Variants in BBOX1 observed in about 807,000 individuals in gnomAD.
BBOX1 encodes the protein gamma-butyrobetaine hydroxylase 1.
BBOX1 carries 35 observed loss-of-function variants against 41.6 expected under a neutral mutation model. The ratio of observed to expected loss-of-function variants is 0.84; its 90% CI spans 0.64 to 1.11. The LOEUF (loss-of-function observed/expected upper bound fraction) is 1.11, where lower values mean the gene tolerates loss of function less well. BBOX1 is among the 50% of genes most tolerant of loss of function. BBOX1 has a pLI of 0.00. For missense variants in BBOX1, 458 were observed against 460.6 expected, an observed-to-expected ratio of 0.99 and a Z score of 0.05; for synonymous variants, 163 against 154.7, an observed-to-expected ratio of 1.05 and a Z score of -0.40.
chr11:27,111,979 C>G (rs1055197369), intron 5 of BBOX1, among the ~76,000 whole-genome samples: 7 of 151,942 alleles, frequency 4.6e-5, no homozygotes, highest in African/African-American at 1.7e-4. Context: ...AGAAAGACAG[C>G]CAGGCGTTAT....
chr11:27,112,100 G>A (rs920470447), intron 5 of BBOX1, among the ~76,000 whole-genome samples: 1 of 151,924 alleles, frequency 6.6e-6, no homozygotes, highest in Non-Finnish European at 1.5e-5. Flanking sequence ...ACTGCACCAT[G>A]AGTATGTACT....
intron 4 of BBOX1, among the ~76,000 whole-genome samples, chr11:27,078,689 TTTTGTTAGAA>T (rs2134010569): frequency 6.6e-6 from 1 of 152,214 alleles, no homozygotes; most frequent in Admixed American, 6.5e-5. Flanking sequence ...TCAAAAAGAA[TTTTGTTAGAA>T]TTTGTTAGAA....
At chr11:27,113,432 A>C (rs1204265555) in intron 5 of BBOX1, among the ~76,000 whole-genome samples, 1 of 152,038 alleles carries the variant, frequency 6.6e-6, no homozygotes, top group Non-Finnish European at 1.5e-5. Context: ...TAATGAATAA[A>C]GAAAATATGG....
At chr11:27,111,116 A>G (rs1265923454) in intron 5 of BBOX1, among the ~76,000 whole-genome samples, 1 of 151,942 alleles carries the variant, frequency 6.6e-6, no homozygotes, top group Non-Finnish European at 1.5e-5. Context: ...TTTACATAAC[A>G]ATAAAATTAA....
chr11:27,056,624 A>C (rs1442934), intron 3 of BBOX1, among the ~76,000 whole-genome samples: 1 of 151,984 alleles, frequency 6.6e-6, no homozygotes, highest in African/African-American at 2.4e-5. Flanking sequence ...TATCACAGAA[A>C]GTTTGGGGAT....
intron 6 of BBOX1, among the ~76,000 whole-genome samples, chr11:27,117,973 C>T (rs1859326521): frequency 6.6e-6 from 1 of 151,802 alleles, no homozygotes; most frequent in Admixed American, 6.6e-5. Flanking sequence ...TTCTGTCACA[C>T]CACACTGATC....
rs372006148 is a variant in BBOX1, at chr11:27,055,390, T to C, written c.-38-3T>C. 3.3e-5 allele frequency: 52 copies of C among 1,589,464 alleles called. No individual in the cohort carries two copies. The African/African-American group carries it at 6.3e-4, about 19-fold the overall frequency. ...GATTCCTTTTAACACTGATTTGTCA[T>C]AGCAGGTAGCTGACAGCATCTACTC... On this transcript the variant is annotated splice_region_variant and splice_polypyrimidine_tract_variant and intron_variant, in intron 2 of 8. Transcript: ENST00000263182.
Position 27,127,274 on chromosome 11 carries a change from G to A in BBOX1, c.1004-19G>A, listed in dbSNP as rs1859699802. 1.2e-6 allele frequency: 2 copies of A among 1,611,464 alleles called. No individual in the cohort carries two copies. Among genetic ancestry groups the A allele is most frequent in the Non-Finnish European group, 8.5e-7 (1 of 1,178,958 alleles). On this transcript the variant is annotated intron_variant, in intron 8 of 8. Transcript: ENST00000263182. Reference sequence around the variant, plus strand: ...TTTAAACACACAATTATTCATATTGGAAAAAATCTTTTCTTTAGGTGATGT... The same window carrying A: ...TTTAAACACACAATTATTCATATTGAAAAAAATCTTTTCTTTAGGTGATGT...
At chr11:27,091,995 T>C (rs899217614) in intron 4 of BBOX1, among the ~76,000 whole-genome samples, 1 of 151,958 alleles carries the variant, frequency 6.6e-6, no homozygotes, top group African/African-American at 2.4e-5. Flanking sequence ...CCTATGCCAA[T>C]GTCCTTATGC....
At chr11:27,080,382 G>A (rs7121302) in intron 4 of BBOX1, among the ~76,000 whole-genome samples, 10,781 of 151,976 alleles carry the variant, frequency 0.071, 1,259 homozygotes, top group African/African-American at 0.24. Context: ...TTTCACACTA[G>A]ACAGTTAAAA....
intron 6 of BBOX1, among the ~76,000 whole-genome samples, chr11:27,117,091 A>G (rs1206785808): frequency 6.6e-6 from 1 of 152,020 alleles, no homozygotes; most frequent in African/African-American, 2.4e-5. Context: ...ACCAAAAATA[A>G]GTGGTTAGGA....
intron 7 of BBOX1, among the ~76,000 whole-genome samples, chr11:27,123,254 G>A (rs923902995): frequency 2.0e-5 from 3 of 151,888 alleles, no homozygotes; most frequent in Non-Finnish European, 4.4e-5. Flanking sequence ...CTATATAGGT[G>A]AACTCTTAAA....
chr11:27,095,046 T>C (rs928984612), intron 5 of BBOX1, among the ~76,000 whole-genome samples: 2 of 151,996 alleles, frequency 1.3e-5, no homozygotes, highest in Admixed American at 6.6e-5. Flanking sequence ...AATTAATCTG[T>C]AACCCAAGTG....
intron 7 of BBOX1, among the ~76,000 whole-genome samples, chr11:27,122,856 G>T (rs1221883760): frequency 1.3e-5 from 2 of 151,944 alleles, no homozygotes; most frequent in Non-Finnish European, 2.9e-5. Context: ...CCACTATGTT[G>T]TTGGTTTAAG....
At chr11:27,069,049 T>G (rs550295757) in intron 4 of BBOX1, among the ~76,000 whole-genome samples, 72 of 152,212 alleles carry the variant, frequency 4.7e-4, no homozygotes, top group African/African-American at 1.6e-3. Flanking sequence ...GCTTTGGCTA[T>G]TTGGGCTCTT....
intron 2 of BBOX1, among the ~76,000 whole-genome samples, chr11:27,045,727 T>C (rs543155961): frequency 6.6e-6 from 1 of 152,292 alleles, no homozygotes; most frequent in East Asian, 1.9e-4. Context: ...CATAGGTCTA[T>C]GCTGGTCTTG....
chr11:27,102,629 C>T (rs1858703331), intron 5 of BBOX1, among the ~76,000 whole-genome samples: 1 of 152,012 alleles, frequency 6.6e-6, no homozygotes, highest in East Asian at 1.9e-4. Context: ...TCCTCCCCTA[C>T]AATTTAACTC....
chr11:27,093,139 T>C (rs745382336), intron 4 of BBOX1, 29 bp from the exon 5 acceptor site: 3 of 1,593,092 alleles, frequency 1.9e-6, no homozygotes, highest in Non-Finnish European at 1.7e-6. Context: ...TGTAATCCCA[T>C]CTGATTTCTT....
rs569838455 is a variant in BBOX1, at chr11:27,126,926, G to A, written c.1004-367G>A. On this transcript the variant is annotated intron_variant, in intron 8 of 8. Coordinates refer to ENST00000263182, the MANE Select transcript of BBOX1 (RefSeq NM_003986.3). ...GCTGACCTCGTGATCCGCCCACCTC[G>A]GCCTCCCAAAGTGCCGGGATTACAG... 3.1e-4 allele frequency among the ~76,000 whole-genome samples: 47 copies of A among 152,156 alleles called. No individual in the cohort carries two copies. In the South Asian group the frequency reaches 9.8e-3, roughly 32 times the overall value.
Sources: gnomAD v4.1 joint callset for allele counts (sites outside exome capture counted in the v4.1 genomes callset) on GRCh38, gnomAD v4.1.1 for gene constraint, MANE v1.5 for transcripts, NCBI Gene and HGNC (gene_info 2026-07-23, HGNC 2026-07-21) for gene names.